Variants in NCOA2 observed in about 807,000 individuals in gnomAD.
NCOA2 encodes nuclear receptor coactivator 2, also known as class E basic helix-loop-helix protein 75.
In NCOA2, 21 loss-of-function variants were observed where a neutral mutation model predicts 145.1. The ratio of observed to expected loss-of-function variants is 0.14; its 90% CI spans 0.10 to 0.21. The LOEUF (loss-of-function observed/expected upper bound fraction) is 0.21, where lower values mean the gene tolerates loss of function less well. Among genes scored for constraint, NCOA2 ranks in the 10% least tolerant of loss-of-function variants. NCOA2 has a pLI of 1.00. For missense variants in NCOA2, 1,472 were observed against 1,837.6 expected, an observed-to-expected ratio of 0.80 and a Z score of 3.64; for synonymous variants, 619 against 637.5, an observed-to-expected ratio of 0.97 and a Z score of 0.44.
At chr8:70,321,793 C>CTGTTT (rs1806096755) in intron 1 of NCOA2, among the ~76,000 whole-genome samples, 1 of 73,560 alleles carries the variant, frequency 1.4e-5, no homozygotes. Context: ...CAGAATATAC[C>CTGTTT]TTTTTTTTTT....
chr8:70,294,546 T>C (rs1033121383), intron 2 of NCOA2, among the ~76,000 whole-genome samples: 3 of 152,228 alleles, frequency 2.0e-5, no homozygotes, highest in South Asian at 4.1e-4. Flanking sequence ...ATGTTTCAGT[T>C]TGGAATAACA....
At chr8:70,159,450 G>T in intron 10 of NCOA2, 55 bp downstream of exon 10, 1 of 1,446,442 alleles carries the variant, frequency 6.9e-7, no homozygotes, top group Non-Finnish European at 9.5e-7. Flanking sequence ...TGCTGCTTTT[G>T]TAATATCTCC....
chr8:70,306,929 C>T (rs1827940912), intron 1 of NCOA2, among the ~76,000 whole-genome samples: 1 of 152,088 alleles, frequency 6.6e-6, no homozygotes, highest in Non-Finnish European at 1.5e-5. Flanking sequence ...AAGCAATTTA[C>T]TCAAGTTAAA....
chr8:70,268,318 T>C (rs73292837), intron 2 of NCOA2, among the ~76,000 whole-genome samples: 1 of 152,168 alleles, frequency 6.6e-6, no homozygotes, highest in Non-Finnish European at 1.5e-5. Flanking sequence ...CCCAGAAAGA[T>C]AATTTCAAGT....
intron 2 of NCOA2, among the ~76,000 whole-genome samples, chr8:70,251,083 G>T (rs1230628174): frequency 6.6e-6 from 1 of 152,090 alleles, no homozygotes; most frequent in African/African-American, 2.4e-5. Context: ...GGTGAGCCAG[G>T]GATAAAGAAA....
At chr8:70,426,854 A>G in the NCOA2 span, among the ~76,000 whole-genome samples, 1 of 152,322 alleles carries the variant, frequency 6.6e-6, no homozygotes, top group South Asian at 2.1e-4. Flanking sequence ...GTGCAGTGTC[A>G]CTGTCATAGC....
chr8:70,274,217 A>C (rs982082263), intron 2 of NCOA2, among the ~76,000 whole-genome samples: 3 of 152,124 alleles, frequency 2.0e-5, no homozygotes, highest in African/African-American at 7.2e-5. Context: ...AAAAAAAAAA[A>C]AAAAACCTTA....
chr8:70,452,787 C>G, the NCOA2 span, among the ~76,000 whole-genome samples: 7 of 150,870 alleles, frequency 4.6e-5, no homozygotes, highest in Non-Finnish European at 1.0e-4. Flanking sequence ...CATAAAACTT[C>G]AATGTCTCCT....
intron 22 of NCOA2, among the ~76,000 whole-genome samples, chr8:70,116,269 G>A (rs1234750138): frequency 6.7e-6 from 1 of 149,450 alleles, no homozygotes; most frequent in African/African-American, 2.5e-5. Flanking sequence ...TTCTGGAAAA[G>A]AGCAGGGCAC....
In NCOA2 at chr8:70,162,812, A is replaced by G; in HGVS notation, c.875T>C (p.Met292Thr). ...TACCAGGTCCTCCCAGCCTGGTTTC[A>G]TGGCTGCTCTCATGGTGCTGGTATC... ...SLDTSTMRAA[M>T]KPGWEDLVRR... The change falls in exon 9 of 23, where the codon ATG becomes ACG. Residue 292 changes from methionine (M) to threonine (T), a missense_variant. By Grantham distance (81) the Met-to-Thr change is moderately conservative (BLOSUM62 -1). Around this residue, in one of 4 missense-constraint regions of NCOA2, gnomAD observed 284 missense variants for 467.8 expected, o/e 0.61. Coordinates refer to ENST00000452400, the MANE Select transcript of NCOA2 (RefSeq NM_006540.4). 6.2e-7 allele frequency: 1 copy of G among 1,613,618 alleles called. No individual in the cohort carries two copies. Among genetic ancestry groups the G allele is most frequent in the Non-Finnish European group, 8.5e-7 (1 of 1,179,796 alleles).
At chr8:70,208,541 G>C (rs1818703670) in intron 4 of NCOA2, among the ~76,000 whole-genome samples, 1 of 152,186 alleles carries the variant, frequency 6.6e-6, no homozygotes, top group Non-Finnish European at 1.5e-5. Context: ...TTCATAGCTA[G>C]AGGAGAGAAG....
chr8:70,448,467 GTA>G, the NCOA2 span, among the ~76,000 whole-genome samples: 102 of 152,260 alleles, frequency 6.7e-4, no homozygotes, highest in African/African-American at 2.4e-3. Context: ...AAAATTTAGT[GTA>G]CTATACCCTA....
intron 15 of NCOA2, among the ~76,000 whole-genome samples, chr8:70,137,404 G>T (rs1319153748): frequency 6.6e-6 from 1 of 152,158 alleles, no homozygotes; most frequent in Non-Finnish European, 1.5e-5. Context: ...CTAATTTTGG[G>T]TCTAGTTCTT....
At chr8:70,374,309 T>TA (rs1370593729) in intron 1 of NCOA2, among the ~76,000 whole-genome samples, 1 of 151,568 alleles carries the variant, frequency 6.6e-6, no homozygotes, top group Admixed American at 6.6e-5. Context: ...CTGTCTCTAC[T>TA]AAAAATACAT....
At chr8:70,293,807 A>G (rs1826884882) in intron 2 of NCOA2, among the ~76,000 whole-genome samples, 1 of 152,192 alleles carries the variant, frequency 6.6e-6, no homozygotes, top group Non-Finnish European at 1.5e-5. Context: ...ATGTGAGACT[A>G]GAACGGAAAT....
chr8:70,128,356 C>T, intron 18 of NCOA2, 77 bp downstream of exon 18: 11 of 1,279,660 alleles, frequency 8.6e-6, no homozygotes, highest in Non-Finnish European at 1.2e-5. Flanking sequence ...ACTAAGTTAA[C>T]TTTCTTCAGA....
chr8:70,128,401 A>G (rs761121648), intron 18 of NCOA2, 32 bp downstream of exon 18: 2 of 1,582,304 alleles, frequency 1.3e-6, no homozygotes, highest in South Asian at 1.1e-5. Context: ...GCATGCATAC[A>G]ATGAAAGCTA....
chr8:70,428,146 G>A, the NCOA2 span, among the ~76,000 whole-genome samples: 2 of 151,950 alleles, frequency 1.3e-5, no homozygotes, highest in African/African-American at 2.4e-5. Context: ...ATTTCCCCTC[G>A]AAGGTTTTCT....
chr8:70,348,250 G>C (rs1563790941), intron 1 of NCOA2, among the ~76,000 whole-genome samples: 1 of 152,156 alleles, frequency 6.6e-6, no homozygotes, highest in Non-Finnish European at 1.5e-5. Context: ...ATTCCCTGAA[G>C]AGCAAACAGC....
Sources: allele counts gnomAD v4.1 joint callset (sites outside exome capture counted in the v4.1 genomes callset), GRCh38; gene constraint gnomAD v4.1.1; regional missense constraint gnomAD v4.1.1; transcripts MANE v1.5; gene names NCBI Gene and HGNC (gene_info 2026-07-23, HGNC 2026-07-21).